The following ANO3 variants were observed in gnomAD, a reference collection of about 807,000 sequenced individuals.
ANO3 encodes anoctamin 3, also known as anoctamin-3.
ANO3 carries 99 observed loss-of-function variants against 144.8 expected under a neutral mutation model. The observed-to-expected ratio is 0.68, with a 90% confidence interval of 0.58 to 0.81. The LOEUF is 0.81. Among genes scored for constraint, ANO3 ranks in the 30% least tolerant of loss-of-function variants. The pLI is 0.00. For missense variants in ANO3, 905 were observed against 1,202.2 expected, an observed-to-expected ratio of 0.75 and a Z score of 3.66; for synonymous variants, 414 against 392.6, an observed-to-expected ratio of 1.05 and a Z score of -0.64.
intron 14 of ANO3, among the ~76,000 whole-genome samples, chr11:26,598,002 A>G (rs293963): frequency 0.12 from 17,596 of 152,124 alleles, 1,163 homozygotes; most frequent in Admixed American, 0.21. Flanking sequence ...TTTGGCCTTT[A>G]TTGTGATTCT....
rs751597346 is a variant in ANO3, at chr11:26,242,662, C to T, written c.154+53332C>T. On this transcript the variant is annotated intron_variant, in intron 1 of 27. Coordinates refer to the ANO3 transcript ENST00000672621. The stretch of plus-strand genomic sequence containing the variant: ...CAGTAAAGATATTGGGCTTCATAGT[C>T]GAACACAGTTTGATGGAAATACTAA... Among the ~76,000 whole-genome samples the T allele has an allele frequency of 7.9e-5, 12 of 152,152 alleles. No individual in the cohort carries two copies. The South Asian group carries it at 2.1e-3, about 26-fold the overall frequency.
intron 4 of ANO3, among the ~76,000 whole-genome samples, chr11:26,499,977 C>T (rs2134122088): frequency 6.6e-6 from 1 of 152,052 alleles, no homozygotes; most frequent in East Asian, 1.9e-4. Context: ...ACCCACTCCT[C>T]CCTCAGCCCT....
rs577540075 is a variant in ANO3, at chr11:26,403,536, C to T, written c.47-38382C>T. Among the ~76,000 whole-genome samples the T allele has an allele frequency of 7.2e-5, 11 of 151,998 alleles. No individual in the cohort carries two copies. The South Asian group carries it at 2.1e-3, about 29-fold the overall frequency. On this transcript the variant is annotated intron_variant, in intron 1 of 26. Coordinates refer to ENST00000256737, the MANE Select transcript of ANO3 (RefSeq NM_031418.4). ...CATATTAGTTCACCTCTGATTTCCT[C>T]TAGCCCGGACTACTTCGGTAGCACC...
chr11:26,578,924 C>G (rs1218275205), intron 14 of ANO3, among the ~76,000 whole-genome samples: 1 of 152,184 alleles, frequency 6.6e-6, no homozygotes, highest in African/African-American at 2.4e-5. Flanking sequence ...GATACCATAA[C>G]TGATTAATTC....
intron 1 of ANO3, among the ~76,000 whole-genome samples, chr11:26,310,646 TTG>T (rs1449904791): frequency 6.6e-6 from 1 of 152,218 alleles, no homozygotes; most frequent in Non-Finnish European, 1.5e-5. Flanking sequence ...CATGTGTGTG[TTG>T]TGTGAATATG....
intron 1 of ANO3, among the ~76,000 whole-genome samples, chr11:26,405,179 A>C (rs908681350): frequency 6.6e-6 from 1 of 151,688 alleles, no homozygotes; most frequent in African/African-American, 2.4e-5. Context: ...TCAGCATCAA[A>C]AATAGAAGAA....
intron 9 of ANO3, among the ~76,000 whole-genome samples, chr11:26,536,715 C>CA (rs897291593): frequency 3.9e-5 from 6 of 152,014 alleles, no homozygotes; most frequent in African/African-American, 1.4e-4. Context: ...TAAAATTCAT[C>CA]AAATCACTAT....
intron 4 of ANO3, among the ~76,000 whole-genome samples, chr11:26,495,250 G>C (rs12290380): frequency 6.7e-6 from 1 of 149,570 alleles, no homozygotes; most frequent in Non-Finnish European, 1.5e-5. Context: ...GAATACAGAC[G>C]TGCCACCACG....
At chr11:26,566,671 A>G (rs1850598644) in intron 14 of ANO3, among the ~76,000 whole-genome samples, 1 of 151,866 alleles carries the variant, frequency 6.6e-6, no homozygotes. Context: ...AATAAGCTAG[A>G]TAATTGCAGA....
At chr11:26,289,881 T>A (rs906706813) in intron 1 of ANO3, among the ~76,000 whole-genome samples, 1 of 151,866 alleles carries the variant, frequency 6.6e-6, no homozygotes, top group Non-Finnish European at 1.5e-5. Flanking sequence ...TCTAAAATTC[T>A]CTTTTTTTGT....
At chr11:26,217,835 GTT>G (rs1852064660) in intron 1 of ANO3, among the ~76,000 whole-genome samples, 1 of 151,982 alleles carries the variant, frequency 6.6e-6, no homozygotes, top group Non-Finnish European at 1.5e-5. Context: ...TGTTGTTGTT[GTT>G]GTTGTGTTGT....
At chr11:26,206,023 A>G (rs1851789439) in intron 1 of ANO3, among the ~76,000 whole-genome samples, 1 of 152,230 alleles carries the variant, frequency 6.6e-6, no homozygotes, top group Admixed American at 6.5e-5. Flanking sequence ...TGAATATATC[A>G]TAGAAGCTTA....
At chr11:26,383,366 A>G (rs1436737961) in intron 1 of ANO3, among the ~76,000 whole-genome samples, 2 of 152,166 alleles carry the variant, frequency 1.3e-5, no homozygotes, top group Non-Finnish European at 2.9e-5. Context: ...AACCAGAGTA[A>G]GGCATTAAAA....
In ANO3 at chr11:26,516,414, T is replaced by C. The variant is rs533819492; in HGVS notation, c.592-413T>C. 2.0e-5 allele frequency among the ~76,000 whole-genome samples: 3 copies of C among 151,794 alleles called. No homozygotes were observed. In the East Asian group the frequency reaches 5.8e-4, roughly 29 times the overall value. ...CTAGTAGGTACTCAGTAAAATGTGG[T>C]AGAAAAATTAGTGAACTAGTTAATA... On this transcript the variant is annotated intron_variant, in intron 5 of 26. Transcript: ENST00000256737.
chr11:26,496,356 C>G lies in ANO3; in HGVS notation c.433-11748C>G, dbSNP rs546602260. Among the ~76,000 whole-genome samples, 7 of 152,254 alleles carry G rather than the reference C, an allele frequency of 4.6e-5. No homozygotes were observed. In the East Asian group the frequency reaches 1.2e-3, roughly 25 times the overall value. ...GTCTGACTCGTTCACCAGTGTATCC[C>G]TGGCACCTAGGACACAAAAAAGTGC... On this transcript the variant is annotated intron_variant, in intron 4 of 26. Transcript: ENST00000256737.
intron 1 of ANO3, among the ~76,000 whole-genome samples, chr11:26,351,572 C>T (rs767076786): frequency 1.5e-4 from 23 of 152,160 alleles, no homozygotes; most frequent in African/African-American, 4.8e-4. Flanking sequence ...AGATTCTGTG[C>T]GTCATGGTCA....
intron 4 of ANO3, among the ~76,000 whole-genome samples, chr11:26,465,069 C>T (rs1459786338): frequency 6.6e-6 from 1 of 150,824 alleles, no homozygotes; most frequent in East Asian, 2.0e-4. Flanking sequence ...TGTCTGTATA[C>T]CCTGTGTGCT....
At chr11:26,414,982 C>A (rs1857538434) in intron 1 of ANO3, among the ~76,000 whole-genome samples, 1 of 151,770 alleles carries the variant, frequency 6.6e-6, no homozygotes, top group Non-Finnish European at 1.5e-5. Context: ...CCTACCACCA[C>A]TATACTTGTG....
chr11:26,592,046 G>A (rs951905195), intron 14 of ANO3, among the ~76,000 whole-genome samples: 4 of 152,248 alleles, frequency 2.6e-5, no homozygotes, highest in African/African-American at 9.6e-5. Flanking sequence ...TCAGGGACAG[G>A]TTCCCTGTAA....
Sources: allele counts gnomAD v4.1 joint callset (sites outside exome capture counted in the v4.1 genomes callset), GRCh38; gene constraint gnomAD v4.1.1; transcripts MANE v1.5; gene names NCBI Gene and HGNC (gene_info 2026-07-23, HGNC 2026-07-21).